Variants in ULK4 observed in about 807,000 individuals in gnomAD.
ULK4 encodes the protein inactive serine/threonine-protein kinase ULK4.
Under a neutral mutation model 160.6 loss-of-function variants are expected in ULK4, and 133 were observed. That is an observed-to-expected ratio of 0.83 (90% confidence interval 0.72 to 0.96). The LOEUF (loss-of-function observed/expected upper bound fraction) is 0.96, where lower values mean the gene tolerates loss of function less well. ULK4 is among the 40% of genes least tolerant of loss of function. ULK4 has a pLI of 0.00. For missense variants in ULK4, 1,580 were observed against 1,499.5 expected (o/e 1.05, Z -0.89); for synonymous variants, 534 against 539.8 (o/e 0.99, Z 0.15).
intron 5 of ULK4, among the ~76,000 whole-genome samples, chr3:41,922,227 C>G (rs1387327695): frequency 3.3e-5 from 5 of 152,108 alleles, no homozygotes; most frequent in Non-Finnish European, 1.5e-5. Context: ...GTGGCACAAG[C>G]CTGTACTCCT....
At chr3:41,349,022 C>A (rs557615673) in intron 35 of ULK4, among the ~76,000 whole-genome samples, 3 of 152,278 alleles carry the variant, frequency 2.0e-5, no homozygotes, top group African/African-American at 7.2e-5. Flanking sequence ...CCCAAGTCAG[C>A]CTCTGAGACA....
intron 32 of ULK4, among the ~76,000 whole-genome samples, chr3:41,539,267 G>A (rs192291143): frequency 4.6e-5 from 7 of 152,088 alleles, no homozygotes; most frequent in African/African-American, 7.2e-5. Context: ...TAAAACCAGC[G>A]ATAATCAATA....
rs115456688 is a variant in ULK4 at position 41,932,094 on chromosome 3, T to A, written c.379-88A>T. ...CCTCTTATAATTGTACTAAAGAACTTTTCAGCATTGCTATTCTTTATCAGA... is the reference window on the plus strand; with the variant it reads ...CCTCTTATAATTGTACTAAAGAACTATTCAGCATTGCTATTCTTTATCAGA... On this transcript the variant is annotated intron_variant, in intron 4 of 36. Transcript: ENST00000301831. 5.5e-4 allele frequency: 633 copies of A among 1,144,484 alleles called. 1 individual carries two copies. In the African/African-American group the frequency reaches 7.8e-3, roughly 14 times the overall value. The allele number at this position is 1,144,484 out of a possible 1,614,324, so 70.9% of individuals were successfully genotyped here.
chr3:41,250,650 T>G (rs2078727793), intron 35 of ULK4, among the ~76,000 whole-genome samples: 2 of 152,210 alleles, frequency 1.3e-5, no homozygotes, highest in Admixed American at 1.3e-4. Flanking sequence ...CCACTCATGA[T>G]AGGTCACAGG....
At chr3:41,589,602 GC>G (rs762239314) in intron 31 of ULK4, among the ~76,000 whole-genome samples, 1 of 152,060 alleles carries the variant, frequency 6.6e-6, no homozygotes, top group Non-Finnish European at 1.5e-5. Context: ...GAATGGCAAT[GC>G]CTTAGAAACA....
chr3:41,412,204 T>C (rs958624505), intron 34 of ULK4, among the ~76,000 whole-genome samples: 1 of 152,132 alleles, frequency 6.6e-6, no homozygotes, highest in African/African-American at 2.4e-5. Flanking sequence ...ATAAAAAAAT[T>C]TGAAATGCTT....
chr3:41,534,520 AAAAAAAAAAACTAAAC>A (rs886177453), intron 32 of ULK4, among the ~76,000 whole-genome samples: 2 of 151,448 alleles, frequency 1.3e-5, no homozygotes, highest in Non-Finnish European at 2.9e-5. Flanking sequence ...TTTAAGCAAA[AAAAAAAAAAACTAAAC>A]TACATAATGC....
intron 32 of ULK4, among the ~76,000 whole-genome samples, chr3:41,492,636 T>C (rs568586143): frequency 9.2e-5 from 14 of 151,462 alleles, no homozygotes; most frequent in African/African-American, 2.4e-4. Context: ...GACTGGCAAA[T>C]TGGATAAAGA....
In ULK4 at chr3:41,762,972, G is replaced by A. The variant is rs147485578; in HGVS notation, c.2194-8484C>T. ...GCCACTGTGCCTGGCCAGAAGTGCCGCACTTTAAAACCATCAGCTCTTGTG... is the reference window on the plus strand; with the variant it reads ...GCCACTGTGCCTGGCCAGAAGTGCCACACTTTAAAACCATCAGCTCTTGTG... On this transcript the variant is annotated intron_variant, in intron 21 of 36. Coordinates refer to ENST00000301831, the MANE Select transcript of ULK4 (RefSeq NM_017886.4). Among the ~76,000 whole-genome samples the A allele has an allele frequency of 7.0e-4, 106 of 152,058 alleles. 1 individual carries two copies. The highest frequency in any genetic ancestry group is 1.8e-3 in the African/African-American group (74 of 41,484).
rs147765607 is a variant in ULK4 at position 41,890,013 on chromosome 3, T to C, written c.1577+5505A>G. ...CAGAAGCTAGACACAAAAGGCCACATACTGTATGATTCCATTTATATGAAA... is the reference window on the plus strand; with the variant it reads ...CAGAAGCTAGACACAAAAGGCCACACACTGTATGATTCCATTTATATGAAA... On this transcript the variant is annotated intron_variant, in intron 16 of 36. Transcript: ENST00000301831. 3.1e-3 allele frequency among the ~76,000 whole-genome samples: 475 copies of C among 152,322 alleles called. 1 individual carries two copies. The highest frequency in any genetic ancestry group is 0.011 in the African/African-American group (451 of 41,578).
At chr3:41,886,545 A>G (rs1318984172) in intron 16 of ULK4, among the ~76,000 whole-genome samples, 4 of 152,030 alleles carry the variant, frequency 2.6e-5, no homozygotes, top group Non-Finnish European at 5.9e-5. Flanking sequence ...ACTAAAAACC[A>G]TATGACGTAC....
intron 34 of ULK4, among the ~76,000 whole-genome samples, chr3:41,420,744 GA>G (rs1215278681): frequency 2.0e-5 from 3 of 148,312 alleles, no homozygotes; most frequent in Non-Finnish European, 3.0e-5. Flanking sequence ...CTCGGCCTCC[GA>G]AAATGCTGGA....
chr3:41,585,741 A>G (rs535534687), intron 31 of ULK4, among the ~76,000 whole-genome samples: 1 of 152,308 alleles, frequency 6.6e-6, no homozygotes, highest in African/African-American at 2.4e-5. Flanking sequence ...AACCTATGAA[A>G]TGAGAGAAAA....
At chr3:41,523,296 G>A (rs891673984) in intron 32 of ULK4, among the ~76,000 whole-genome samples, 2 of 152,112 alleles carry the variant, frequency 1.3e-5, no homozygotes, top group Admixed American at 1.3e-4. Context: ...AAAGATACAT[G>A]GAGAGAAGGA....
At chr3:41,515,631 G>C (rs754533060) in intron 32 of ULK4, among the ~76,000 whole-genome samples, 2 of 152,176 alleles carry the variant, frequency 1.3e-5, no homozygotes, top group African/African-American at 2.4e-5. Context: ...ATGGTGGCAG[G>C]AGAGAGACGG....
In ULK4 at chr3:41,663,601, C is replaced by T. The variant is rs1205102062; in HGVS notation, c.3071+6G>A. 7 of 1,611,844 alleles carry T rather than the reference C, an allele frequency of 4.3e-6. No individual in the cohort carries two copies. Among genetic ancestry groups the T allele is most frequent in the Non-Finnish European group, 5.9e-6 (7 of 1,178,166 alleles). On this transcript the variant is annotated splice_donor_region_variant and intron_variant, in intron 30 of 36. Coordinates refer to ENST00000301831, the MANE Select transcript of ULK4 (RefSeq NM_017886.4). ...CACAAGAAAAAGAAATTTGAACTTC[C>T]AGTACCTTGTGAAAGTTGGGTTGTG... is the stretch of plus-strand genomic sequence containing the variant.
chr3:41,616,415 G>T (rs1436836161), intron 30 of ULK4, among the ~76,000 whole-genome samples: 1 of 152,192 alleles, frequency 6.6e-6, no homozygotes, highest in Non-Finnish European at 1.5e-5. Context: ...CAGAAGGCAG[G>T]TATTTCTGCA....
chr3:41,814,350 T>C (rs1349391702), intron 19 of ULK4, among the ~76,000 whole-genome samples: 1 of 151,426 alleles, frequency 6.6e-6, no homozygotes, highest in African/African-American at 2.5e-5. Context: ...TTTATTATTG[T>C]TTTTAGTTTA....
intron 34 of ULK4, among the ~76,000 whole-genome samples, chr3:41,426,897 G>A (rs1306140046): frequency 6.6e-6 from 1 of 152,028 alleles, no homozygotes; most frequent in Non-Finnish European, 1.5e-5. Context: ...ACTCACGGAA[G>A]ACAAGAAATA....
Sources: gnomAD v4.1 joint callset for allele counts (sites outside exome capture counted in the v4.1 genomes callset) on GRCh38, gnomAD v4.1.1 for gene constraint, MANE v1.5 for transcripts, NCBI Gene and HGNC (gene_info 2026-07-23, HGNC 2026-07-21) for gene names.